The following MMS22L variants were observed in gnomAD, a reference collection of about 807,000 sequenced individuals.
The protein encoded by MMS22L is MMS22 like, DNA repair protein, also known as protein MMS22-like.
In MMS22L, 74 loss-of-function variants were observed where a neutral mutation model predicts 159.1. The observed-to-expected ratio is 0.47, with a 90% CI of 0.39 to 0.56. The LOEUF is 0.56. Among genes scored for constraint, MMS22L ranks in the 20% least tolerant of loss-of-function variants. MMS22L has a pLI of 0.00. For synonymous variants in MMS22L, 517 were observed against 506.9 expected (o/e 1.02, Z -0.27); for missense variants, 1,351 against 1,422.1 (o/e 0.95, Z 0.80).
chr6:97,224,098 TC>T, intron 14 of MMS22L, among the ~76,000 whole-genome samples: 1 of 152,270 alleles, frequency 6.6e-6, no homozygotes, highest in East Asian at 1.9e-4. Flanking sequence ...AAACATCTGA[TC>T]CTTTTTGCAC....
Position 97,278,917 on chromosome 6 carries a change from G to C in MMS22L, c.291-19C>G. The C allele has an allele frequency of 1.2e-6, 2 of 1,607,432 alleles. No individual in the cohort carries two copies. The highest frequency in any genetic ancestry group is 1.7e-6 in the Non-Finnish European group (2 of 1,176,046). Reference sequence around the variant, plus strand: ...TTGTTGCCTAATTTTAAAAATGTAAGGTGAGAGTTAATTTTAGAACACTTT... The same window carrying C: ...TTGTTGCCTAATTTTAAAAATGTAACGTGAGAGTTAATTTTAGAACACTTT... On this transcript the variant is annotated intron_variant, in intron 3 of 24. Coordinates refer to ENST00000683635, the MANE Select transcript of MMS22L (RefSeq NM_001350599.2).
intron 14 of MMS22L, among the ~76,000 whole-genome samples, chr6:97,215,383 C>T (rs994687922): frequency 6.6e-6 from 1 of 152,156 alleles, no homozygotes; most frequent in African/African-American, 2.4e-5. Context: ...CAACCTGTCA[C>T]TTCCTACATT....
In MMS22L at chr6:97,270,935, A is replaced by C. The variant is rs554767715; in HGVS notation, c.607-943T>G. 8.5e-5 allele frequency: 13 copies of C among 152,216 alleles called. No homozygotes were observed. The East Asian group carries it at 2.5e-3, about 29-fold the overall frequency. 9.4% of individuals were successfully genotyped at this position (152,216 alleles called of 1,614,324 possible). On this transcript the variant is annotated intron_variant, in intron 6 of 24. Coordinates refer to ENST00000683635, the MANE Select transcript of MMS22L (RefSeq NM_001350599.2). ...CAATCAAAATATTTTAACAGCATAG[A>C]TAAAACAAAAAACGGAAAAATATAA... is the stretch of plus-strand genomic sequence containing the variant.
intron 15 of MMS22L, among the ~76,000 whole-genome samples, chr6:97,185,646 G>C (rs1334778175): frequency 6.6e-6 from 1 of 152,096 alleles, no homozygotes; most frequent in Non-Finnish European, 1.5e-5. Flanking sequence ...AATTATAGAA[G>C]TGTTATCAGA....
chr6:97,233,519 T>C (rs890511751), intron 12 of MMS22L, among the ~76,000 whole-genome samples: 3 of 152,148 alleles, frequency 2.0e-5, no homozygotes, highest in Admixed American at 6.5e-5. Flanking sequence ...AATGCCAGGA[T>C]TGTTTCTTAC....
At chr6:97,149,829 A>G (rs753282023) in intron 24 of MMS22L, 24 bp downstream of exon 24, 19 of 1,555,596 alleles carry the variant, frequency 1.2e-5, no homozygotes, top group Middle Eastern at 3.4e-4. Flanking sequence ...GCCCCCCCCA[A>G]TGTAATTAAA....
rs1316196701 is a variant in MMS22L, at chr6:97,231,587, C to G, written c.1368G>C (p.Leu456Phe). ...AAGTCTTCACCATTTCAAGCATAGA[C>G]AAGGGTGACTTCATGGTATTAGCAA... ...KGLANTMKSP[L>F]SMLEMVKTCC... Residue 456 changes from leucine to phenylalanine, a missense_variant, in exon 13 of 25, where the codon TTG (leucine) becomes TTC (phenylalanine). By Grantham distance (22) the Leu-to-Phe change is conservative. Transcript: ENST00000683635. The G allele has an allele frequency of 6.2e-7, 1 of 1,613,592 alleles. No individual in the cohort carries two copies. The highest frequency in any genetic ancestry group is 8.5e-7 in the Non-Finnish European group (1 of 1,179,864).
At chr6:97,212,405 C>T (rs919271096) in intron 14 of MMS22L, among the ~76,000 whole-genome samples, 1 of 152,100 alleles carries the variant, frequency 6.6e-6, no homozygotes, top group Admixed American at 6.5e-5. Context: ...CATGGAATAC[C>T]TATCATTGTA....
chr6:97,208,887 G>A (rs1297698994), intron 14 of MMS22L, among the ~76,000 whole-genome samples: 1 of 151,720 alleles, frequency 6.6e-6, no homozygotes, highest in East Asian at 1.9e-4. Context: ...AGTTTGTATC[G>A]CTACCTAAAA....
chr6:97,228,484 G>A (rs750972212), intron 14 of MMS22L, among the ~76,000 whole-genome samples: 3 of 152,136 alleles, frequency 2.0e-5, no homozygotes, highest in Non-Finnish European at 4.4e-5. Context: ...TGGCCTCATG[G>A]GATGGGTTGC....
chr6:97,212,806 G>C (rs1171434290), intron 14 of MMS22L, among the ~76,000 whole-genome samples: 1 of 152,110 alleles, frequency 6.6e-6, no homozygotes. Flanking sequence ...GTGAAAATTT[G>C]CTCGAATGGT....
intron 14 of MMS22L, among the ~76,000 whole-genome samples, chr6:97,206,410 C>G (rs1253970019): frequency 1.3e-5 from 2 of 149,608 alleles, no homozygotes; most frequent in African/African-American, 4.9e-5. Flanking sequence ...CACACACACA[C>G]TAGACCTTCA....
At chr6:97,192,341 A>C (rs1805973725) in intron 14 of MMS22L, among the ~76,000 whole-genome samples, 1 of 152,178 alleles carries the variant, frequency 6.6e-6, no homozygotes, top group Admixed American at 6.5e-5. Context: ...CTTGAGATGC[A>C]AGGAGAATTC....
chr6:97,222,437 T>A (rs749931391), intron 14 of MMS22L, among the ~76,000 whole-genome samples: 1 of 152,088 alleles, frequency 6.6e-6, no homozygotes, highest in African/African-American at 2.4e-5. Context: ...GAACTATTTC[T>A]TAGTCTCAGT....
At chr6:97,187,268 A>G (rs1805349335) in intron 14 of MMS22L, among the ~76,000 whole-genome samples, 1 of 152,168 alleles carries the variant, frequency 6.6e-6, no homozygotes, top group Non-Finnish European at 1.5e-5. Context: ...TCTTCATAAA[A>G]TAATAAAACA....
chr6:97,156,772 C>G (rs1486147517), intron 22 of MMS22L, among the ~76,000 whole-genome samples: 1 of 152,028 alleles, frequency 6.6e-6, no homozygotes, highest in Non-Finnish European at 1.5e-5. Flanking sequence ...CTGCTTTGTT[C>G]TTTTTGCTTA....
intron 19 of MMS22L, among the ~76,000 whole-genome samples, chr6:97,168,660 C>A (rs1365450076): frequency 3.3e-5 from 5 of 151,812 alleles, no homozygotes; most frequent in African/African-American, 1.2e-4. Flanking sequence ...TTCCAAAATC[C>A]AAAAAAATCT....
chr6:97,279,483 CA>C (rs34421690), intron 3 of MMS22L, among the ~76,000 whole-genome samples: 10 of 144,448 alleles, frequency 6.9e-5, no homozygotes, highest in South Asian at 6.6e-4. Context: ...GACTTCGTCT[CA>C]AAAAAAAAAG....
rs1352995256 is a variant in MMS22L, at chr6:97,162,106, G to A, written c.3281C>T (p.Ala1094Val). 1 of 1,611,858 alleles carries A rather than the reference G, an allele frequency of 6.2e-7. No homozygotes were observed. The highest frequency in any genetic ancestry group is 8.5e-7 in the Non-Finnish European group (1 of 1,178,936). ...TTCCTTGAAGAGTTGGAGGATGAAG[G>A]CCAGAATGGATGCTAAGCGAGGAGG... ...SPPPRLASIL[A>V]FILQLFKETN... The change falls in exon 22 of 25, where the codon GCC becomes GTC. Residue 1094 changes from alanine to valine, a missense_variant. By Grantham distance (64) the Ala-to-Val change is moderately conservative. Transcript: ENST00000683635.
Sources: allele counts gnomAD v4.1 joint callset (sites outside exome capture counted in the v4.1 genomes callset), GRCh38; gene constraint gnomAD v4.1.1; transcripts MANE v1.5; gene names NCBI Gene and HGNC (gene_info 2026-07-23, HGNC 2026-07-21).